Variants in KCNJ6 observed in about 807,000 individuals in gnomAD.
KCNJ6 encodes the protein G protein-activated inward rectifier potassium channel 2.
KCNJ6 carries 9 observed loss-of-function variants against 34.2 expected under a neutral mutation model. The ratio of observed to expected loss-of-function variants is 0.26; its 90% CI spans 0.16 to 0.46. The LOEUF (loss-of-function observed/expected upper bound fraction) is 0.46, where lower values mean the gene tolerates loss of function less well. Among genes scored for constraint, KCNJ6 ranks in the 20% least tolerant of loss-of-function variants. KCNJ6 has a pLI of 1.00. For synonymous variants in KCNJ6, 196 were observed against 207.1 expected, an observed-to-expected ratio of 0.95 and a Z score of 0.46; for missense variants, 236 against 531.3, an observed-to-expected ratio of 0.44 and a Z score of 5.46.
At chr21:37,833,391 G>A (rs1287048915) in intron 2 of KCNJ6, among the ~76,000 whole-genome samples, 1 of 152,152 alleles carries the variant, frequency 6.6e-6, no homozygotes, top group Non-Finnish European at 1.5e-5. Context: ...CAAACACAGA[G>A]TGGAATTGTG....
At chr21:37,778,106 T>C (rs2055150932) in intron 2 of KCNJ6, among the ~76,000 whole-genome samples, 1 of 152,190 alleles carries the variant, frequency 6.6e-6, no homozygotes, top group Non-Finnish European at 1.5e-5. Context: ...TTTTTTTCCA[T>C]GCTAGAAAAA....
chr21:37,748,192 C>A (rs2054977424), intron 2 of KCNJ6, among the ~76,000 whole-genome samples: 1 of 152,170 alleles, frequency 6.6e-6, no homozygotes, highest in African/African-American at 2.4e-5. Flanking sequence ...ACACTTCCAA[C>A]CCTGGACAGC....
intron 1 of KCNJ6, among the ~76,000 whole-genome samples, chr21:37,907,214 G>T (rs1337188548): frequency 1.3e-5 from 2 of 152,202 alleles, no homozygotes; most frequent in Non-Finnish European, 2.9e-5. Flanking sequence ...CATGAGCAGT[G>T]AGTCCTGTAC....
chr21:37,889,828 A>G (rs1368866798), intron 1 of KCNJ6, among the ~76,000 whole-genome samples: 6 of 152,192 alleles, frequency 3.9e-5, no homozygotes, highest in African/African-American at 1.4e-4. Flanking sequence ...CACACCAGTC[A>G]TACTGGATTA....
intron 3 of KCNJ6, among the ~76,000 whole-genome samples, chr21:37,684,392 T>C (rs1264166648): frequency 6.6e-6 from 1 of 152,098 alleles, no homozygotes; most frequent in Non-Finnish European, 1.5e-5. Flanking sequence ...GACTATGGTC[T>C]GCTCTTCTCC....
intron 3 of KCNJ6, among the ~76,000 whole-genome samples, chr21:37,693,857 C>T (rs982047107): frequency 6.6e-6 from 1 of 152,164 alleles, no homozygotes; most frequent in Non-Finnish European, 1.5e-5. Flanking sequence ...TGAACTCATT[C>T]CTGCAGAAAT....
At chr21:37,669,540 TGGTA>T (rs1408872194) in intron 3 of KCNJ6, among the ~76,000 whole-genome samples, 1 of 151,498 alleles carries the variant, frequency 6.6e-6, no homozygotes. Context: ...TTTAGGGAGA[TGGTA>T]GGTGGTGTTG....
intron 2 of KCNJ6, among the ~76,000 whole-genome samples, chr21:37,746,361 G>C (rs2054967710): frequency 6.6e-6 from 1 of 152,160 alleles, no homozygotes; most frequent in South Asian, 2.1e-4. Flanking sequence ...TCATGAGGTT[G>C]CAAGAGAGCC....
chr21:37,914,597 G>A (rs1046413469), intron 1 of KCNJ6, among the ~76,000 whole-genome samples: 3 of 152,248 alleles, frequency 2.0e-5, no homozygotes, highest in African/African-American at 7.2e-5. Flanking sequence ...TATAACTGGA[G>A]CTGCGGTCTC....
intron 1 of KCNJ6, among the ~76,000 whole-genome samples, chr21:37,900,177 T>C (rs1479060369): frequency 6.6e-6 from 1 of 152,232 alleles, no homozygotes; most frequent in East Asian, 1.9e-4. Flanking sequence ...CAATTATATG[T>C]ATAATGCTTT....
chr21:37,791,465 T>A (rs532405619), intron 2 of KCNJ6, among the ~76,000 whole-genome samples: 7 of 152,090 alleles, frequency 4.6e-5, no homozygotes, highest in Non-Finnish European at 1.0e-4. Flanking sequence ...AAGCACATTG[T>A]CCCCTGACAA....
At chr21:37,705,862 T>G (rs2054716860) in intron 3 of KCNJ6, among the ~76,000 whole-genome samples, 1 of 152,242 alleles carries the variant, frequency 6.6e-6, no homozygotes, top group African/African-American at 2.4e-5. Context: ...TGTCAAAATG[T>G]TAATGTGACA....
At chr21:37,818,161 C>G (rs73206085) in intron 2 of KCNJ6, among the ~76,000 whole-genome samples, 10,298 of 151,662 alleles carry the variant, frequency 0.068, 449 homozygotes, top group Middle Eastern at 0.11. Flanking sequence ...TCTTACATTT[C>G]TTGCTATATA....
chr21:37,707,923 G>A (rs1223385241), intron 3 of KCNJ6, among the ~76,000 whole-genome samples: 2 of 151,948 alleles, frequency 1.3e-5, no homozygotes, highest in Non-Finnish European at 2.9e-5. Context: ...CTCCTAATTT[G>A]GATGATGCTG....
At chr21:37,887,758 C>T (rs1288618513) in intron 1 of KCNJ6, among the ~76,000 whole-genome samples, 1 of 152,182 alleles carries the variant, frequency 6.6e-6, no homozygotes, top group African/African-American at 2.4e-5. Context: ...TCTGTAAGTG[C>T]AAAGATCCTG....
intron 1 of KCNJ6, among the ~76,000 whole-genome samples, chr21:37,883,898 A>C (rs926167277): frequency 2.0e-5 from 3 of 152,118 alleles, no homozygotes. Flanking sequence ...TTGGCTTTCC[A>C]GGTTGGTGAC....
At chr21:37,773,402 G>A (rs998952092) in intron 2 of KCNJ6, among the ~76,000 whole-genome samples, 8 of 152,150 alleles carry the variant, frequency 5.3e-5, no homozygotes, top group African/African-American at 1.9e-4. Flanking sequence ...CCAGTACCAA[G>A]ATAGTTCCTG....
intron 2 of KCNJ6, among the ~76,000 whole-genome samples, chr21:37,746,513 G>T (rs2054968402): frequency 6.6e-6 from 1 of 152,148 alleles, no homozygotes; most frequent in Non-Finnish European, 1.5e-5. Flanking sequence ...GTGAACAAAT[G>T]TCGTTTTTAT....
intron 2 of KCNJ6, among the ~76,000 whole-genome samples, chr21:37,779,618 T>C (rs2123510786): frequency 6.6e-6 from 1 of 152,270 alleles, no homozygotes; most frequent in East Asian, 1.9e-4. Flanking sequence ...AAAAGCCACT[T>C]GGGGAACCTG....
Sources: gnomAD v4.1 joint callset for allele counts (sites outside exome capture counted in the v4.1 genomes callset) on GRCh38, gnomAD v4.1.1 for gene constraint, MANE v1.5 for transcripts, NCBI Gene and HGNC (gene_info 2026-07-23, HGNC 2026-07-21) for gene names.